The following PGD variants were observed in gnomAD, a reference collection of about 807,000 sequenced individuals.
PGD encodes the protein 6-phosphogluconate dehydrogenase, decarboxylating.
A neutral mutation model predicts 60.4 loss-of-function variants in PGD; 21 were observed. That is an observed-to-expected ratio of 0.35 (90% CI 0.25 to 0.50). The LOEUF (loss-of-function observed/expected upper bound fraction) is 0.50. Ranked by LOEUF, PGD falls within the 20% of genes least tolerant of loss-of-function variation. The pLI, the probability that PGD is intolerant of heterozygous loss-of-function variation, is 0.98. For missense variants in PGD, 477 were observed against 613.1 expected (o/e 0.78, Z 2.34); for synonymous variants, 230 against 235.9 (o/e 0.97, Z 0.23).
intron 8 of PGD, among the ~76,000 whole-genome samples, chr1:10,414,759 AG>A (rs1372951631): frequency 6.6e-6 from 1 of 151,878 alleles, no homozygotes; most frequent in Non-Finnish European, 1.5e-5. Flanking sequence ...GGTTAATGAG[AG>A]GCTGATCTTT....
At position 10,411,349 on chromosome 1, in the gene PGD, G is replaced by A. The variant is rs1639495111; in HGVS notation, c.520-69G>A. ...CCTTGCCAGGGATGTTGGCATGAAA[G>A]CTGATGTGGACTTCTCTGATGTGTC... On this transcript the variant is annotated intron_variant, in intron 6 of 12. Coordinates refer to ENST00000270776, the MANE Select transcript of PGD (RefSeq NM_002631.4). The A allele has an allele frequency of 1.9e-6, 3 of 1,576,324 alleles. No individual in the cohort carries two copies. The South Asian group carries it at 3.3e-5, about 18-fold the overall frequency.
rs1569998984 is a variant in PGD, at chr1:10,420,017, C to T, written c.*268C>T. The T allele has an allele frequency of 2.2e-6, 1 of 447,170 alleles. No individual in the cohort carries two copies. The highest frequency in any genetic ancestry group is 4.1e-6 in the Non-Finnish European group (1 of 242,998). 27.7% of individuals were successfully genotyped at this position (447,170 alleles called of 1,614,324 possible). On this transcript the variant is annotated 3_prime_UTR_variant, in exon 13 of 13. Transcript: ENST00000270776. ...CTTGCGGCAGTGGCTTCCGCGTGCC[C>T]CGTGTGCTGGTGCGGTTCCCATCAC...
Position 10,413,110 on chromosome 1 carries a change from A to G in PGD, c.703A>G (p.Ile235Val), listed in dbSNP as rs1464945346. Reference sequence around the variant, plus strand: ...AGAGCTAGACTCATTCCTGATTGAAATCACAGCCAATATTCTCAAGTTCCA... The same window carrying G: ...AGAGCTAGACTCATTCCTGATTGAAGTCACAGCCAATATTCTCAAGTTCCA... ...KTELDSFLIE[I>V]TANILKFQDT... The change falls in exon 8 of 13, where the codon ATC becomes GTC. Residue 235 changes from isoleucine (I) to valine (V), a missense_variant. Coordinates refer to ENST00000270776, the MANE Select transcript of PGD (RefSeq NM_002631.4). The G allele has an allele frequency of 3.7e-6, 6 of 1,614,196 alleles. No homozygotes were observed. In the East Asian group the frequency reaches 1.1e-4, roughly 30 times the overall value.
chr1:10,415,041 A>T (rs1461752058), intron 8 of PGD, among the ~76,000 whole-genome samples: 3 of 151,670 alleles, frequency 2.0e-5, no homozygotes, highest in South Asian at 2.1e-4. Context: ...CAGTGGGCTG[A>T]GATCGCACCA....
At chr1:10,409,595 C>G (rs1470550201) in intron 6 of PGD, among the ~76,000 whole-genome samples, 1 of 144,390 alleles carries the variant, frequency 6.9e-6, no homozygotes, top group Non-Finnish European at 1.5e-5. Context: ...GAGACCCTGT[C>G]TCTTAAACAG....
Position 10,413,164 on chromosome 1 carries a change from A to G in PGD, c.757A>G (p.Lys253Glu). Residue 253 changes from lysine (K) to glutamate (E), a missense_variant, in exon 8 of 13, where the codon AAG (lysine) becomes GAG (glutamate). Physicochemically the swap from Lys to Glu is moderately conservative, Grantham distance 56. Around this residue, in one of 3 missense-constraint regions of PGD, gnomAD observed 431 missense variants for 556.6 expected, o/e 0.77. Coordinates refer to ENST00000270776, the MANE Select transcript of PGD (RefSeq NM_002631.4). ...CACCGATGGCAAACACCTGCTGCCA[A>G]AGATCAGGGACAGCGCGGGGCAGAA... ...QDTDGKHLLP[K>E]IRDSAGQKGT... is the part of the protein sequence containing the mutation. 6.2e-7 allele frequency: 1 copy of G among 1,614,214 alleles called. No individual in the cohort carries two copies. The highest frequency in any genetic ancestry group is 8.5e-7 in the Non-Finnish European group (1 of 1,180,020).
Position 10,404,218 on chromosome 1 carries a change from G to T in PGD, c.388G>T (p.Gly130Cys). 1 of 1,614,038 alleles carries T rather than the reference G, an allele frequency of 6.2e-7. No individual in the cohort carries two copies. The highest frequency in any genetic ancestry group is 8.5e-7 in the Non-Finnish European group (1 of 1,179,966). The stretch of plus-strand genomic sequence containing the variant: ...TTTATTTGTGGGGAGCGGAGTCAGT[G>T]GTGGAGAGGAAGGGGCCCGGTATGG... ...GILFVGSGVS[G>C]GEEGARYGPS... Residue 130 changes from glycine (G) to cysteine (C), a missense_variant, in exon 5 of 13, where the codon GGT (glycine) becomes TGT (cysteine). Around this residue, in one of 3 missense-constraint regions of PGD, gnomAD observed 431 missense variants for 556.6 expected, o/e 0.77. Coordinates refer to ENST00000270776, the MANE Select transcript of PGD (RefSeq NM_002631.4).
At chr1:10,403,463 C>T (rs536055573) in intron 4 of PGD, among the ~76,000 whole-genome samples, 3 of 151,836 alleles carry the variant, frequency 2.0e-5, no homozygotes, top group South Asian at 2.1e-4. Context: ...TGGTGGCATG[C>T]GCCTGTAGTC....
chr1:10,414,936 C>T (rs984578130), intron 8 of PGD, among the ~76,000 whole-genome samples: 7 of 151,360 alleles, frequency 4.6e-5, no homozygotes, highest in South Asian at 4.2e-4. Flanking sequence ...ACTAAAAATA[C>T]GAAAGTTAGC....
chr1:10,418,324 CA>C (rs1639630688), intron 10 of PGD, among the ~76,000 whole-genome samples: 2 of 152,132 alleles, frequency 1.3e-5, no homozygotes, highest in Non-Finnish European at 2.9e-5. Context: ...TCTTCAGCCT[CA>C]AAAAGCGTGT....
At chr1:10,409,950 C>T (rs1639472801) in intron 6 of PGD, among the ~76,000 whole-genome samples, 1 of 152,100 alleles carries the variant, frequency 6.6e-6, no homozygotes, top group South Asian at 2.1e-4. Context: ...GCCACCGCAC[C>T]CAGCCTGCAA....
chr1:10,403,264 C>T lies in PGD; in HGVS notation c.330+128C>T, dbSNP rs1231621411. On this transcript the variant is annotated intron_variant, in intron 4 of 12. Transcript: ENST00000270776. ...GATTTTTTTGAGATTACTACTGATACAATAGTTCTCAGCCTTTTTTTCTGT... is the reference window on the plus strand; with the variant it reads ...GATTTTTTTGAGATTACTACTGATATAATAGTTCTCAGCCTTTTTTTCTGT... 3.3e-5 allele frequency: 22 copies of T among 672,744 alleles called. No individual in the cohort carries two copies. The Admixed American group carries it at 4.7e-4, about 14-fold the overall frequency. The allele number at this position is 672,744 out of a possible 1,614,324, so 41.7% of individuals were successfully genotyped here. A position where few individuals can be genotyped will look rare whatever the true frequency, so the allele number is the denominator to read the frequency against.
chr1:10,413,093 A>G lies in PGD; in HGVS notation c.686A>G (p.Asp229Gly). The change falls in exon 8 of 13, where the codon GAC becomes GGC. Residue 229 changes from aspartate to glycine, a missense_variant. By Grantham distance (94) the Asp-to-Gly change is moderately conservative. Around this residue, in one of 3 missense-constraint regions of PGD, gnomAD observed 431 missense variants for 556.6 expected, o/e 0.77. Coordinates refer to ENST00000270776, the MANE Select transcript of PGD (RefSeq NM_002631.4). ...AFEDWNKTEL[D>G]SFLIEITANI... ...GAGGATTGGAATAAGACAGAGCTAGACTCATTCCTGATTGAAATCACAGCC... is the reference window on the plus strand; with the variant it reads ...GAGGATTGGAATAAGACAGAGCTAGGCTCATTCCTGATTGAAATCACAGCC... The G allele has an allele frequency of 6.2e-7, 1 of 1,613,890 alleles. No individual in the cohort carries two copies. Among genetic ancestry groups the G allele is most frequent in the Non-Finnish European group, 8.5e-7 (1 of 1,179,860 alleles).
At position 10,399,095 on chromosome 1, in the gene PGD, T is replaced by C; in HGVS notation, c.-23T>C. 1.2e-6 allele frequency: 2 copies of C among 1,609,490 alleles called. No homozygotes were observed. Among genetic ancestry groups the C allele is most frequent in the East Asian group, 2.2e-5 (1 of 44,824 alleles). On this transcript the variant is annotated 5_prime_UTR_variant, in exon 1 of 13. Coordinates refer to ENST00000270776, the MANE Select transcript of PGD (RefSeq NM_002631.4). The stretch of plus-strand genomic sequence containing the variant: ...CTCGTCCTCCGCGCGTCGCCGCTCT[T>C]CGGTTCTGCTCTGTCCGCCGCCATG...
At position 10,409,007 on chromosome 1, in the gene PGD, C is replaced by A. The variant is rs186687231; in HGVS notation, c.519+867C>A. On this transcript the variant is annotated intron_variant, in intron 6 of 12. Transcript: ENST00000270776. ...GGCTCAGGAGACCTGAGTGGCAGTT[C>A]TGGCTTTCCATAAACTTAACTGTGA... 2.2e-3 allele frequency among the ~76,000 whole-genome samples: 339 copies of A among 152,308 alleles called. 1 individual carries two copies. The highest frequency in any genetic ancestry group is 7.8e-3 in the African/African-American group (323 of 41,556).
intron 11 of PGD, 104 bp downstream of exon 11, chr1:10,419,029 G>C (rs1468683452): frequency 1.4e-6 from 1 of 716,730 alleles, no homozygotes; most frequent in African/African-American, 1.8e-5. Context: ...GTTTTTTTGA[G>C]ACAGAGTCTC....
At chr1:10,406,578 A>G (rs999134492) in intron 5 of PGD, among the ~76,000 whole-genome samples, 1 of 152,146 alleles carries the variant, frequency 6.6e-6, no homozygotes, top group Non-Finnish European at 1.5e-5. Context: ...GGACACTGTA[A>G]AAGTTCAGTG....
intron 3 of PGD, 54 bp downstream of exon 3, chr1:10,400,626 CT>C (rs1639299970): frequency 1.4e-6 from 2 of 1,404,426 alleles, no homozygotes; most frequent in African/African-American, 2.9e-5. Context: ...TTTTTGGTTT[CT>C]TCCTTTAGTT....
At chr1:10,399,486 C>G (rs1334305981) in intron 1 of PGD, 143 bp from the exon 2 acceptor site, 5 of 739,438 alleles carry the variant, frequency 6.8e-6, no homozygotes, top group Non-Finnish European at 1.1e-5. Flanking sequence ...GCAGCGTGCG[C>G]GCCCGGCTTC....
Sources: gnomAD v4.1 joint callset for allele counts (sites outside exome capture counted in the v4.1 genomes callset) on GRCh38, gnomAD v4.1.1 for gene constraint, gnomAD v4.1.1 regional missense constraint, MANE v1.5 for transcripts, NCBI Gene and HGNC (gene_info 2026-07-23, HGNC 2026-07-21) for gene names.